IL10RB: variants seen among roughly 807,000 people sequenced by gnomAD.
IL10RB encodes interleukin-10 receptor subunit beta.
In IL10RB, 30 loss-of-function variants were observed where a neutral mutation model predicts 38.7. The observed-to-expected ratio is 0.78, with a 90% CI of 0.58 to 1.05. The LOEUF (loss-of-function observed/expected upper bound fraction) is 1.05. Among genes scored for constraint, IL10RB ranks in the 50% least tolerant of loss-of-function variants. The pLI is 0.00. For missense variants in IL10RB, 328 were observed against 397.1 expected (o/e 0.83, Z 1.48); for synonymous variants, 142 against 145.9 (o/e 0.97, Z 0.19).
intron 1 of IL10RB, among the ~76,000 whole-genome samples, chr21:33,303,584 AC>A (rs1568915378): frequency 6.6e-6 from 1 of 151,918 alleles, no homozygotes; most frequent in Non-Finnish European, 1.5e-5. Context: ...CGAACTCCTG[AC>A]CTCAAGTGAT....
At chr21:33,291,259 G>A (rs187195358) in intron 6 of IL10RB, among the ~76,000 whole-genome samples, 54 of 146,094 alleles carry the variant, frequency 3.7e-4, no homozygotes, top group African/African-American at 1.3e-3. Flanking sequence ...GAGGGATTAG[G>A]ACATATGAAT....
At chr21:33,279,216 A>G (rs978780719) in intron 3 of IL10RB, among the ~76,000 whole-genome samples, 1 of 152,220 alleles carries the variant, frequency 6.6e-6, no homozygotes, top group African/African-American at 2.4e-5. Flanking sequence ...AGAGACCCAT[A>G]TGAAGTGAAG....
chr21:33,271,321 G>A (rs914732579), intron 2 of IL10RB, among the ~76,000 whole-genome samples: 5 of 152,170 alleles, frequency 3.3e-5, no homozygotes, highest in Non-Finnish European at 7.4e-5. Flanking sequence ...GCACTTCAGA[G>A]GATGTACTGG....
At chr21:33,305,664 A>C (rs911788043) in intron 1 of IL10RB, among the ~76,000 whole-genome samples, 6 of 152,136 alleles carry the variant, frequency 3.9e-5, no homozygotes, top group Non-Finnish European at 8.8e-5. Context: ...GGGAGGAGCC[A>C]TTACCCTGGA....
chr21:33,268,174 C>G, intron 1 of IL10RB: 1 of 1,423,482 alleles, frequency 7.0e-7, no homozygotes, highest in Non-Finnish European at 9.2e-7. Context: ...GCTCCTTTGT[C>G]TGTCCCCATT....
At chr21:33,269,475 C>G (rs564579355) in intron 2 of IL10RB, among the ~76,000 whole-genome samples, 45 of 152,276 alleles carry the variant, frequency 3.0e-4, no homozygotes, top group African/African-American at 1.1e-3. Flanking sequence ...ACAAAAATCC[C>G]CAAGGCCTGC....
At chr21:33,281,346 A>T (rs941926533) in intron 4 of IL10RB, among the ~76,000 whole-genome samples, 9 of 152,240 alleles carry the variant, frequency 5.9e-5, no homozygotes, top group African/African-American at 2.2e-4. Flanking sequence ...TCAATTAAGG[A>T]TCTAGTTTTA....
intron 2 of IL10RB, 49 bp from the exon 3 acceptor site, chr21:33,276,547 A>T: frequency 6.6e-7 from 1 of 1,509,338 alleles, no homozygotes; most frequent in Non-Finnish European, 9.2e-7. Flanking sequence ...AGCCTCAGGG[A>T]GACTGAAGCC....
chr21:33,291,486 A>G (rs1231876732), intron 6 of IL10RB, among the ~76,000 whole-genome samples: 2 of 152,058 alleles, frequency 1.3e-5, no homozygotes, highest in Non-Finnish European at 2.9e-5. Flanking sequence ...GGCTGGTCTC[A>G]AACTCCTGAC....
intron 1 of IL10RB, among the ~76,000 whole-genome samples, chr21:33,302,901 CCAAGGAGGCCTCA>C (rs2082989460): frequency 6.6e-6 from 1 of 152,202 alleles, no homozygotes; most frequent in Admixed American, 6.5e-5. Context: ...TAAGGCTGTA[CCAAGGAGGCCTCA>C]CAGGGAGGCT....
At chr21:33,307,174 G>C (rs1049393947) in intron 1 of IL10RB, among the ~76,000 whole-genome samples, 2 of 152,136 alleles carry the variant, frequency 1.3e-5, no homozygotes, top group Non-Finnish European at 2.9e-5. Context: ...CTGCATCTTG[G>C]ATGCTAATCC....
chr21:33,297,268 G>C (rs1568913606), downstream of IL10RB: 1 of 152,116 alleles, frequency 6.6e-6, no homozygotes, highest in Non-Finnish European at 1.5e-5. Context: ...ACTGAAAAAG[G>C]CTCTAGTTTG....
intron 6 of IL10RB, among the ~76,000 whole-genome samples, chr21:33,295,126 G>A (rs2082958722): frequency 6.6e-6 from 1 of 152,176 alleles, no homozygotes; most frequent in African/African-American, 2.4e-5. Context: ...AGCATTTTGG[G>A]AGGCCAAGGT....
chr21:33,284,403 G>A (rs768113297), intron 5 of IL10RB, among the ~76,000 whole-genome samples: 1 of 151,954 alleles, frequency 6.6e-6, no homozygotes, highest in Admixed American at 6.6e-5. Flanking sequence ...AAGGGTATGA[G>A]CCATTGAAAA....
intron 6 of IL10RB, among the ~76,000 whole-genome samples, chr21:33,295,093 C>T (rs946251442): frequency 1.1e-4 from 16 of 152,060 alleles, no homozygotes; most frequent in South Asian, 4.1e-4. Context: ...GGGCCGGGTG[C>T]GGTGGCTCAC....
At chr21:33,309,876 T>C (rs2083007819) in exon 2 of IL10RB, 1 of 152,234 alleles carries the variant, frequency 6.6e-6, no homozygotes, top group Non-Finnish European at 1.5e-5. Flanking sequence ...AACTGAATTG[T>C]GTACCCCCAA....
intron 6 of IL10RB, among the ~76,000 whole-genome samples, chr21:33,293,239 T>C (rs995945822): frequency 6.6e-6 from 1 of 152,222 alleles, no homozygotes; most frequent in Non-Finnish European, 1.5e-5. Flanking sequence ...TAATGTATTG[T>C]TGTGATAGCT....
At chr21:33,304,609 C>T (rs1260708469) in intron 1 of IL10RB, among the ~76,000 whole-genome samples, 1 of 152,184 alleles carries the variant, frequency 6.6e-6, no homozygotes, top group Non-Finnish European at 1.5e-5. Context: ...CTGAAAGGCC[C>T]CCTACCTTTG....
chr21:33,293,552 G>T (rs1234252860), intron 6 of IL10RB, among the ~76,000 whole-genome samples: 2 of 152,226 alleles, frequency 1.3e-5, no homozygotes, highest in Non-Finnish European at 2.9e-5. Context: ...CGAGCATGGT[G>T]GCTCACACCT....
Sources: allele counts gnomAD v4.1 joint callset (sites outside exome capture counted in the v4.1 genomes callset), GRCh38; gene constraint gnomAD v4.1.1; transcripts MANE v1.5; gene names NCBI Gene and HGNC (gene_info 2026-07-23, HGNC 2026-07-21).